MYO7B: variants seen among roughly 807,000 people sequenced by gnomAD.
MYO7B encodes myosin VIIB, also known as unconventional myosin-VIIb.
In MYO7B, 212 loss-of-function variants were observed where a neutral mutation model predicts 259.7. The observed-to-expected ratio is 0.82, with a 90% CI of 0.73 to 0.91. MYO7B has a LOEUF of 0.91. Among genes scored for constraint, MYO7B ranks in the 40% least tolerant of loss-of-function variants. The pLI is 0.00. For synonymous variants in MYO7B, 1,197 were observed against 1,166.4 expected (o/e 1.03, Z -0.54); for missense variants, 2,732 against 2,813.5 (o/e 0.97, Z 0.66).
intron 28 of MYO7B, among the ~76,000 whole-genome samples, chr2:127,622,548 C>G (rs1437840536): frequency 2.0e-5 from 3 of 152,180 alleles, no homozygotes; most frequent in African/African-American, 7.2e-5. Flanking sequence ...AAGGGTCATT[C>G]AGAACAGCCA....
At chr2:127,549,006 C>T (rs1416071769) in intron 1 of MYO7B, among the ~76,000 whole-genome samples, 1 of 152,112 alleles carries the variant, frequency 6.6e-6, no homozygotes, top group Non-Finnish European at 1.5e-5. Context: ...TAATAATTGT[C>T]ATGTCTTCTT....
At chr2:127,582,975 G>T (rs7602565) in intron 12 of MYO7B, among the ~76,000 whole-genome samples, 66,983 of 152,096 alleles carry the variant, frequency 0.44, 15,371 homozygotes, top group South Asian at 0.69. Context: ...ATGAAGGCTG[G>T]GGGTCGGATA....
chr2:127,597,074 G>A lies in MYO7B; in HGVS notation c.2339+518G>A, dbSNP rs552838481. Among the ~76,000 whole-genome samples, 3 of 152,340 alleles carry A rather than the reference G, an allele frequency of 2.0e-5. No homozygotes were observed. The East Asian group carries it at 5.8e-4, about 29-fold the overall frequency. ...GAAAGTAGAAGACAGCCAGCCCCGGGAATAGAGAATGAGGGGACAGAGAGC... is the reference window on the plus strand; with the variant it reads ...GAAAGTAGAAGACAGCCAGCCCCGGAAATAGAGAATGAGGGGACAGAGAGC... On this transcript the variant is annotated intron_variant, in intron 19 of 47. Transcript: ENST00000409816. This position sits in a 1 kb window ranked among gnomAD's most constrained non-coding sequence, Gnocchi z 4.8.
rs536564259 is a variant in MYO7B, at chr2:127,575,541, A to T, written c.736-1054A>T. 2.2e-4 allele frequency among the ~76,000 whole-genome samples: 34 copies of T among 152,334 alleles called. No individual in the cohort carries two copies. The South Asian group carries it at 6.6e-3, about 30-fold the overall frequency. Reference sequence around the variant, plus strand: ...ATGTTTAGGTGAAAAAAAAGGAAGTAGCAGAACCACAAATATGTTTTGTGT... The same window carrying T: ...ATGTTTAGGTGAAAAAAAAGGAAGTTGCAGAACCACAAATATGTTTTGTGT... On this transcript the variant is annotated intron_variant, in intron 7 of 47. Transcript: ENST00000409816.
At position 127,610,018 on chromosome 2, in the gene MYO7B, C is replaced by T. The variant is rs566649878; in HGVS notation, c.3192+2C>T. On this transcript the variant is annotated splice_donor_variant, in intron 24 of 47. Coordinates refer to ENST00000409816, the MANE Select transcript of MYO7B (RefSeq NM_001393586.1). LOFTEE classifies it low-confidence loss of function (GC_TO_GT_DONOR). ...CCACAGCACAGTAGATCTGCACAGG[C>T]AAGTGGGGGGCAGCAGCGGGCAGAG... is the stretch of plus-strand genomic sequence containing the variant. 13 of 1,608,592 alleles carry T rather than the reference C, an allele frequency of 8.1e-6. No individual in the cohort carries two copies. The highest frequency in any genetic ancestry group is 1.1e-5 in the Non-Finnish European group (13 of 1,178,120).
chr2:127,624,159 C>T lies in MYO7B; in HGVS notation c.3886C>T (p.Gln1296Ter). ...DAIARCEQMA[Q>*]ERGESQRQSP... Reference sequence around the variant, plus strand: ...CATCGCCCGGTGTGAGCAGATGGCCCAGGAGAGGGGCGAGAGCCAGCGCCA... The same window carrying T: ...CATCGCCCGGTGTGAGCAGATGGCCTAGGAGAGGGGCGAGAGCCAGCGCCA... The change falls in exon 30 of 48, where the codon CAG (glutamine) becomes TAG (stop). Residue 1296 changes from glutamine (Q) to a stop codon, truncating the protein, a stop_gained. Coordinates refer to ENST00000409816, the MANE Select transcript of MYO7B (RefSeq NM_001393586.1). LOFTEE classifies it high-confidence loss of function. 1.3e-6 allele frequency: 2 copies of T among 1,596,608 alleles called. No individual in the cohort carries two copies. Among genetic ancestry groups the T allele is most frequent in the Non-Finnish European group, 1.7e-6 (2 of 1,172,284 alleles).
chr2:127,592,779 G>A lies in MYO7B; in HGVS notation c.1993-15G>A, dbSNP rs976627367. The A allele has an allele frequency of 2.5e-6, 4 of 1,603,624 alleles. No individual in the cohort carries two copies. The highest frequency in any genetic ancestry group is 4.5e-5 in the East Asian group (2 of 44,326). ...TGGGGCTTGCGCTGGGTCAGCGCCC[G>A]GTGTCCGCCCACAGCTGTTCGACCG... On this transcript the variant is annotated splice_polypyrimidine_tract_variant and intron_variant, in intron 16 of 47. Transcript: ENST00000409816.
chr2:127,626,825 C>A, intron 31 of MYO7B, 150 bp from the exon 32 acceptor site: 1 of 688,600 alleles, frequency 1.5e-6, no homozygotes, highest in South Asian at 1.9e-5. Context: ...CTGGGGACGT[C>A]CCAGGTGCCT....
chr2:127,545,100 G>A (rs1693169932), intron 1 of MYO7B, among the ~76,000 whole-genome samples: 1 of 152,158 alleles, frequency 6.6e-6, no homozygotes, highest in Admixed American at 6.5e-5. Flanking sequence ...CTCTGTTGTT[G>A]GACAATTGGT....
At chr2:127,626,751 C>A (rs753412396) in intron 31 of MYO7B, 8 of 476,364 alleles carry the variant, frequency 1.7e-5, no homozygotes, top group Non-Finnish European at 2.7e-5. Context: ...TGCACTCCAG[C>A]CTGGGTGACA....
Position 127,573,923 on chromosome 2 carries a change from T to C in MYO7B, c.596T>C (p.Phe199Ser). The change falls in exon 7 of 48, where the codon TTT becomes TCT. Residue 199 changes from phenylalanine (F) to serine (S), a missense_variant. Physicochemically the swap from Phe to Ser is radical, Grantham distance 155. This residue lies in a region of MYO7B where 1,906 missense variants were observed against 2,026.4 expected (regional missense o/e 0.94). Transcript: ENST00000409816. Reference sequence around the variant, plus strand: ...GGCATCGCCCGCTTACCTTCAGCCTTTGGAAATGCCAAGACAATCCGCAAC... The same window carrying C: ...GGCATCGCCCGCTTACCTTCAGCCTCTGGAAATGCCAAGACAATCCGCAAC... ...VLEANPILEA[F>S]GNAKTIRNDN... 3 of 1,614,040 alleles carry C rather than the reference T, an allele frequency of 1.9e-6. No individual in the cohort carries two copies. Among genetic ancestry groups the C allele is most frequent in the Non-Finnish European group, 2.5e-6 (3 of 1,179,882 alleles).
chr2:127,566,947 A>T, intron 5 of MYO7B, 120 bp downstream of exon 5: 1 of 1,029,004 alleles, frequency 9.7e-7, no homozygotes, highest in Non-Finnish European at 1.4e-6. Context: ...ACCCATCTCC[A>T]CAGCACACAA....
At chr2:127,556,220 T>C (rs1394965158) in intron 1 of MYO7B, among the ~76,000 whole-genome samples, 2 of 152,230 alleles carry the variant, frequency 1.3e-5, no homozygotes, top group African/African-American at 2.4e-5. Flanking sequence ...TAACTACTCC[T>C]ACTCACGTTT....
In MYO7B at chr2:127,581,998, C is replaced by T. The variant is rs560710385; in HGVS notation, c.1188C>T (p.Asp396=). 59 of 1,613,742 alleles carry T rather than the reference C, an allele frequency of 3.7e-5. No individual in the cohort carries two copies. Among genetic ancestry groups the T allele is most frequent in the Non-Finnish European group, 2.1e-5 (25 of 1,179,896 alleles). Reference sequence around the variant, plus strand: ...TTGCCCAGGCTGCTGACCGGAGGGACGCCTTTGTCAAGGTACAGAGCTGAG... The same window carrying T: ...TTGCCCAGGCTGCTGACCGGAGGGATGCCTTTGTCAAGGTACAGAGCTGAG... ...LNIAQAADRR[D]AFVKGIYGHL... Residue 396 remains aspartate (D), a synonymous_variant, in exon 11 of 48, where the codon GAC becomes GAT. Coordinates refer to ENST00000409816, the MANE Select transcript of MYO7B (RefSeq NM_001393586.1).
rs376623597 is a variant in MYO7B at position 127,635,836 on chromosome 2, G to A, written c.5935G>A (p.Val1979Ile). The A allele has an allele frequency of 3.2e-6, 5 of 1,585,080 alleles. No homozygotes were observed. In the South Asian group the frequency reaches 4.6e-5, roughly 15 times the overall value. The change falls in exon 44 of 48, where the codon GTC (valine) becomes ATC (isoleucine). Residue 1979 changes from valine (V) to isoleucine (I), a missense_variant. Transcript: ENST00000409816. ...FNNDRSQLAS[V>I]PKILRELVPE... Reference sequence around the variant, plus strand: ...CAACGACCGGTCCCAGCTGGCTAGTGTCCCCAAGATCCTGAGGGAACTGGT... The same window carrying A: ...CAACGACCGGTCCCAGCTGGCTAGTATCCCCAAGATCCTGAGGGAACTGGT...
At chr2:127,630,070 C>T (rs1024483702) in intron 35 of MYO7B, among the ~76,000 whole-genome samples, 3 of 151,472 alleles carry the variant, frequency 2.0e-5, no homozygotes, top group East Asian at 1.9e-4. Flanking sequence ...TGGGGGTGTC[C>T]GGGGGACAAA....
At position 127,633,284 on chromosome 2, in the gene MYO7B, A is replaced by G; in HGVS notation, c.5432A>G (p.His1811Arg). Residue 1811 changes from histidine (H) to arginine (R), a missense_variant, in exon 40 of 48, where the codon CAC becomes CGC. By Grantham distance (29) the His-to-Arg change is conservative (BLOSUM62 0). This residue lies in a region of MYO7B where 821 missense variants were observed against 769.3 expected (regional missense o/e 1.07). Transcript: ENST00000409816. The stretch of plus-strand genomic sequence containing the variant: ...ACGGGGCCCCGGAAGCAGCCCCCGC[A>G]CCAGGTGGAGGTGGAGGCCGCAGAG... ...LRTGPRKQPP[H>R]QVEVEAAEQN... The G allele has an allele frequency of 1.2e-6, 2 of 1,612,308 alleles. No individual in the cohort carries two copies. Among genetic ancestry groups the G allele is most frequent in the South Asian group, 2.2e-5 (2 of 90,924 alleles).
At chr2:127,629,034 G>A (rs1208768932) in intron 34 of MYO7B, among the ~76,000 whole-genome samples, 1 of 152,208 alleles carries the variant, frequency 6.6e-6, no homozygotes, top group African/African-American at 2.4e-5. Context: ...TGTGGGCTAT[G>A]GGGGAGCATG....
intron 5 of MYO7B, among the ~76,000 whole-genome samples, chr2:127,568,487 C>T (rs564893823): frequency 7.2e-5 from 11 of 152,336 alleles, no homozygotes; most frequent in East Asian, 5.8e-4. Context: ...TTTATAAAAA[C>T]GCCTGGCGCT....
Sources: allele counts gnomAD v4.1 joint callset (sites outside exome capture counted in the v4.1 genomes callset), GRCh38; gene constraint gnomAD v4.1.1; regional missense constraint gnomAD v4.1.1; non-coding constraint Gnocchi (gnomAD v3.1); transcripts MANE v1.5; gene names NCBI Gene and HGNC (gene_info 2026-07-23, HGNC 2026-07-21).